The following ZFPM1 variants were observed in gnomAD, a reference collection of about 807,000 sequenced individuals.
ZFPM1 encodes the protein zinc finger protein ZFPM1.
In ZFPM1, 28 loss-of-function variants were observed where a neutral mutation model predicts 46.3. That is an observed-to-expected ratio of 0.60 (90% CI 0.45 to 0.83). ZFPM1 has a LOEUF of 0.83. ZFPM1 is among the 40% of genes least tolerant of loss of function. The probability of loss-of-function intolerance (pLI) is 0.00; values close to 1 mark genes in which losing one functional copy is unlikely to be tolerated. For synonymous variants in ZFPM1, 957 were observed against 675.9 expected (o/e 1.42, Z -6.45); for missense variants, 1,878 against 1,432.4 (o/e 1.31, Z -5.02).
intron 2 of ZFPM1, among the ~76,000 whole-genome samples, chr16:88,486,559 C>T (rs1454924439): frequency 6.8e-6 from 1 of 147,472 alleles, no homozygotes; most frequent in Non-Finnish European, 1.5e-5. Context: ...TGGATGGGTG[C>T]TGGGTACACA....
rs1448006705 is a variant in ZFPM1 at position 88,480,839 on chromosome 16, G to T, written c.41-5100G>T. ...TGGGGGATGCCCCCCTCTCCTCAGCGACTGGCTCCAGCTTTCCGCAAGACA... is the reference window on the plus strand; with the variant it reads ...TGGGGGATGCCCCCCTCTCCTCAGCTACTGGCTCCAGCTTTCCGCAAGACA... On this transcript the variant is annotated intron_variant, in intron 1 of 9. Transcript: ENST00000319555. The surrounding 1 kb of genome is among the most constrained non-coding windows in gnomAD (Gnocchi z 4.9). 6.6e-6 allele frequency among the ~76,000 whole-genome samples: 1 copy of T among 152,208 alleles called. No individual in the cohort carries two copies. Among genetic ancestry groups the T allele is most frequent in the Non-Finnish European group, 1.5e-5 (1 of 68,044 alleles).
chr16:88,464,261 T>A lies in ZFPM1; in HGVS notation c.40+10583T>A, dbSNP rs372427047. ...GAGGCATGTGAGCCGTGCCTAAGGT[T>A]GAGACCCACAGGGGCAGGGCCCCCA... On this transcript the variant is annotated intron_variant, in intron 1 of 9. Transcript: ENST00000319555. Among the ~76,000 whole-genome samples, 16 of 152,250 alleles carry A rather than the reference T, an allele frequency of 1.1e-4. No homozygotes were observed. The East Asian group carries it at 2.9e-3, about 28-fold the overall frequency.
At chr16:88,500,385 C>T (rs531873579) in intron 3 of ZFPM1, among the ~76,000 whole-genome samples, 3 of 152,342 alleles carry the variant, frequency 2.0e-5, no homozygotes, top group South Asian at 4.1e-4. Context: ...AGTGGGCAGG[C>T]GCTGGGCAAG....
rs767614980 is a variant in ZFPM1, at chr16:88,534,479, C to G, written c.2521C>G (p.Pro841Ala). 6.7e-7 allele frequency: 1 copy of G among 1,482,026 alleles called. No homozygotes were observed. Among genetic ancestry groups the G allele is most frequent in the Non-Finnish European group, 8.9e-7 (1 of 1,122,500 alleles). The allele number at this position is 1,482,026 out of a possible 1,614,324, so 91.8% of individuals were successfully genotyped here. Residue 841 changes from proline to alanine, a missense_variant, in exon 10 of 10, where the codon CCC becomes GCC. Pro to Ala is a conservative substitution (Grantham distance 27). Transcript: ENST00000319555. ...AYLAHKKYSC[P>A]AAPPPGALGL... ...CCTGGCGCACAAGAAGTACTCGTGC[C>G]CCGCTGCGCCACCGCCCGGCGCGCT... is the stretch of plus-strand genomic sequence containing the variant.
At chr16:88,527,062 T>G in intron 5 of ZFPM1, 146 bp downstream of exon 5, 1 of 1,309,726 alleles carries the variant, frequency 7.6e-7, no homozygotes, top group Non-Finnish European at 1.0e-6. Flanking sequence ...CGCTGCAGCA[T>G]GAGGCAGACA....
chr16:88,462,028 T>G (rs925825994), intron 1 of ZFPM1, among the ~76,000 whole-genome samples: 1 of 152,092 alleles, frequency 6.6e-6, no homozygotes, highest in Non-Finnish European at 1.5e-5. Context: ...CCTCCCCATC[T>G]CCTCCTCCCT....
Position 88,534,826 on chromosome 16 carries a change from C to G in ZFPM1, c.2868C>G (p.Gly956=). 6.5e-7 allele frequency: 1 copy of G among 1,543,082 alleles called. No homozygotes were observed. Among genetic ancestry groups the G allele is most frequent in the South Asian group, 1.2e-5 (1 of 85,548 alleles). The change falls in exon 10 of 10, where the codon GGC becomes GGG. Residue 956 remains glycine, a synonymous_variant. Coordinates refer to ENST00000319555, the MANE Select transcript of ZFPM1 (RefSeq NM_153813.3). ...CGCCCCCCTCCTACTCGGACAAGGG[C>G]GTCCAGACTCCCAGCAAGGGCACGC... The part of the protein sequence containing the change: ...PPAPPSYSDK[G]VQTPSKGTPA...
intron 6 of ZFPM1, among the ~76,000 whole-genome samples, chr16:88,531,407 C>G (rs1912774300): frequency 6.6e-6 from 1 of 152,186 alleles, no homozygotes; most frequent in Admixed American, 6.5e-5. Flanking sequence ...TTCGACAAAT[C>G]TGACCAGCCA....
chr16:88,532,287 C>G, intron 7 of ZFPM1, 52 bp downstream of exon 7: 1 of 1,509,588 alleles, frequency 6.6e-7, no homozygotes, highest in Non-Finnish European at 8.9e-7. Flanking sequence ...GCTTCCCCAC[C>G]CAGTCCCGCA....
chr16:88,529,334 A>C lies in ZFPM1; in HGVS notation c.712+1096A>C, dbSNP rs183523360. On this transcript the variant is annotated intron_variant, in intron 6 of 9. Transcript: ENST00000319555. ...TCAGGTTTAGCTTTGGTGACCACAG[A>C]GTCACAAAACTGGAAGAAAAGCGAC... Among the ~76,000 whole-genome samples, 3 of 152,324 alleles carry C rather than the reference A, an allele frequency of 2.0e-5. No individual in the cohort carries two copies. In the East Asian group the frequency reaches 5.8e-4, roughly 30 times the overall value.
intron 3 of ZFPM1, among the ~76,000 whole-genome samples, chr16:88,512,505 C>A (rs1331393754): frequency 6.6e-6 from 1 of 152,162 alleles, no homozygotes; most frequent in Non-Finnish European, 1.5e-5. Flanking sequence ...GACGTGCCCT[C>A]AGGGGCTTCT....
chr16:88,481,470 G>T (rs568542806), intron 1 of ZFPM1, among the ~76,000 whole-genome samples: 1 of 141,206 alleles, frequency 7.1e-6, no homozygotes, highest in Non-Finnish European at 1.5e-5. Context: ...AGGGCAGCTC[G>T]CAAGTCGGCC....
chr16:88,534,933 A>G lies in ZFPM1; in HGVS notation c.2975A>G (p.His992Arg), dbSNP rs1913170598. 1.9e-6 allele frequency: 3 copies of G among 1,541,514 alleles called. No homozygotes were observed. Among genetic ancestry groups the G allele is most frequent in the Non-Finnish European group, 2.6e-6 (3 of 1,144,166 alleles). The change falls in exon 10 of 10, where the codon CAC becomes CGC. Residue 992 changes from histidine to arginine, a missense_variant. Transcript: ENST00000319555. ...KFSSLSTFIA[H>R]KKYYCSSHAA... ...AGCAGCCTGTCCACCTTCATCGCCC[A>G]CAAGAAGTATTACTGCTCCTCGCAC...
chr16:88,517,781 GATGA>G (rs1911443152), intron 4 of ZFPM1, among the ~76,000 whole-genome samples: 1 of 135,912 alleles, frequency 7.4e-6, no homozygotes, highest in Non-Finnish European at 1.6e-5. Flanking sequence ...TAGATGGATG[GATGA>G]ATGAATGGGT....
In ZFPM1 at chr16:88,533,642, G is replaced by A. The variant is rs765330976; in HGVS notation, c.1684G>A (p.Ala562Thr). The change falls in exon 10 of 10, where the codon GCC becomes ACC. Residue 562 changes from alanine to threonine, a missense_variant. By Grantham distance (58) the Ala-to-Thr change is moderately conservative (BLOSUM62 0). Coordinates refer to ENST00000319555, the MANE Select transcript of ZFPM1 (RefSeq NM_153813.3). Reference protein sequence around the residue: ...SRLQQGAGAGAGGAQTGLFPG... With the variant: ...SRLQQGAGAGTGGAQTGLFPG... The stretch of plus-strand genomic sequence containing the variant: ...GCTGCAGCAGGGCGCGGGCGCGGGC[G>A]CCGGCGGCGCGCAGACCGGGCTCTT... 7 of 1,461,158 alleles carry A rather than the reference G, an allele frequency of 4.8e-6. No individual in the cohort carries two copies. Among genetic ancestry groups the A allele is most frequent in the Non-Finnish European group, 6.3e-6 (7 of 1,104,852 alleles). The allele number at this position is 1,461,158 out of a possible 1,614,324, so 90.5% of individuals were successfully genotyped here.
At chr16:88,508,154 G>C (rs779193020) in intron 3 of ZFPM1, among the ~76,000 whole-genome samples, 1 of 152,130 alleles carries the variant, frequency 6.6e-6, no homozygotes, top group Non-Finnish European at 1.5e-5. Flanking sequence ...AAAATTAACC[G>C]GGTGCGGTGG....
intron 2 of ZFPM1, among the ~76,000 whole-genome samples, chr16:88,488,121 C>G (rs1029970725): frequency 6.6e-6 from 1 of 152,226 alleles, no homozygotes; most frequent in Non-Finnish European, 1.5e-5. Context: ...CTCCGAGGCC[C>G]TTGGCTGTCA....
In ZFPM1 at chr16:88,532,734, T is replaced by G. The variant is rs199564644; in HGVS notation, c.1042+25T>G. On this transcript the variant is annotated intron_variant, in intron 8 of 9. Transcript: ENST00000319555. ...GGTAGGCACCGCAGGGGCCGGGGGGTGTGTGGGTCCCGCCTCCCCGCCCTG... is the reference window on the plus strand; with the variant it reads ...GGTAGGCACCGCAGGGGCCGGGGGGGGTGTGGGTCCCGCCTCCCCGCCCTG... 7.3e-5 allele frequency: 118 copies of G among 1,611,356 alleles called. No homozygotes were observed. The African/African-American group carries it at 1.2e-3, about 16-fold the overall frequency.
rs1907388141 is a variant in ZFPM1 at position 88,453,608 on chromosome 16, G to A, written c.-31G>A. Reference sequence around the variant, plus strand: ...CCGCCGCCCGCCCGGGGCTAGAGGCGGCCGCCGGGAGGGCGCGCGGCGCCG... The same window carrying A: ...CCGCCGCCCGCCCGGGGCTAGAGGCAGCCGCCGGGAGGGCGCGCGGCGCCG... On this transcript the variant is annotated 5_prime_UTR_variant, in exon 1 of 10. Transcript: ENST00000319555. 9.2e-7 allele frequency: 1 copy of A among 1,084,248 alleles called. No homozygotes were observed. Among genetic ancestry groups the A allele is most frequent in the African/African-American group, 1.7e-5 (1 of 58,762 alleles). 67.2% of individuals were successfully genotyped at this position (1,084,248 alleles called of 1,614,324 possible).
Sources: allele counts gnomAD v4.1 joint callset (sites outside exome capture counted in the v4.1 genomes callset), GRCh38; gene constraint gnomAD v4.1.1; non-coding constraint Gnocchi (gnomAD v3.1); transcripts MANE v1.5; gene names NCBI Gene and HGNC (gene_info 2026-07-23, HGNC 2026-07-21).